Variants in PIGL observed in about 807,000 individuals in gnomAD.
PIGL encodes N-acetylglucosaminyl-phosphatidylinositol de-N-acetylase.
In PIGL, 22 loss-of-function variants were observed where a neutral mutation model predicts 31.1. The observed-to-expected ratio is 0.71, with a 90% CI of 0.51 to 1.01. The LOEUF is 1.01. Ranked by LOEUF, PIGL falls within the 50% of genes least tolerant of loss-of-function variation. The pLI is 0.00. For synonymous variants in PIGL, 131 were observed against 117.4 expected, an observed-to-expected ratio of 1.12 and a Z score of -0.75; for missense variants, 302 against 315.9, an observed-to-expected ratio of 0.96 and a Z score of 0.33.
chr17:16,284,239 A>C (rs1368485868), intron 2 of PIGL, among the ~76,000 whole-genome samples: 1 of 152,122 alleles, frequency 6.6e-6, no homozygotes. Flanking sequence ...GGCCTCCCAA[A>C]GTGCTGGGAT....
rs1264158457 is a variant in PIGL, at chr17:16,221,616, A to ATTTTTG, written c.235+4172_235+4177dup. Among the ~76,000 whole-genome samples, 4 of 151,566 alleles carry ATTTTTG rather than the reference A, an allele frequency of 2.6e-5. No homozygotes were observed. In the East Asian group the frequency reaches 7.8e-4, roughly 30 times the overall value. The stretch of plus-strand genomic sequence containing the variant: ...AGGCATGCATCACCATACCTGGCTA[A>ATTTTTG]TTTTTGTTTTTGTTTTTGTTTTGTT... On this transcript the variant is annotated intron_variant, in intron 1 of 6. Transcript: ENST00000225609.
At chr17:16,259,421 T>C (rs534573732) in intron 2 of PIGL, among the ~76,000 whole-genome samples, 43 of 151,944 alleles carry the variant, frequency 2.8e-4, no homozygotes, top group African/African-American at 1.0e-3. Context: ...AATAATGAAG[T>C]TGACTTTGGG....
intron 2 of PIGL, among the ~76,000 whole-genome samples, chr17:16,240,713 C>T (rs2092719179): frequency 6.6e-6 from 1 of 151,806 alleles, no homozygotes; most frequent in African/African-American, 2.4e-5. Flanking sequence ...CTTGCCCAAG[C>T]AGGTCTTGAA....
chr17:16,276,013 G>T (rs1343824164), intron 2 of PIGL, among the ~76,000 whole-genome samples: 1 of 152,106 alleles, frequency 6.6e-6, no homozygotes, highest in Non-Finnish European at 1.5e-5. Flanking sequence ...GACAGAGTGA[G>T]ACTCTGTCTC....
intron 2 of PIGL, among the ~76,000 whole-genome samples, chr17:16,245,715 C>T (rs1354904675): frequency 6.7e-6 from 1 of 150,244 alleles, no homozygotes; most frequent in African/African-American, 2.4e-5. Context: ...TATATATATA[C>T]ACACATATAT....
intron 2 of PIGL, among the ~76,000 whole-genome samples, chr17:16,240,682 G>A (rs1041393130): frequency 1.3e-5 from 2 of 150,906 alleles, no homozygotes; most frequent in Admixed American, 1.3e-4. Context: ...TTTTTTTTCG[G>A]TAGAGATGGA....
intron 4 of PIGL, among the ~76,000 whole-genome samples, chr17:16,315,719 T>TC (rs2093073664): frequency 7.9e-6 from 1 of 126,744 alleles, no homozygotes; most frequent in Non-Finnish European, 1.7e-5. Context: ...TTTTTTTTTT[T>TC]TTTTTTTTTT....
intron 2 of PIGL, among the ~76,000 whole-genome samples, chr17:16,246,426 C>T (rs1175526891): frequency 1.3e-5 from 2 of 151,042 alleles, no homozygotes; most frequent in African/African-American, 4.9e-5. Flanking sequence ...GCAGGAGAAT[C>T]GCTTGAACCC....
chr17:16,291,243 C>T (rs1482487728), intron 2 of PIGL, among the ~76,000 whole-genome samples: 2 of 152,102 alleles, frequency 1.3e-5, no homozygotes, highest in African/African-American at 4.8e-5. Flanking sequence ...CGTGGTGGCT[C>T]GCGCCTGTAA....
chr17:16,275,141 A>G (rs2092889392), intron 2 of PIGL, among the ~76,000 whole-genome samples: 1 of 152,112 alleles, frequency 6.6e-6, no homozygotes, highest in South Asian at 2.1e-4. Flanking sequence ...TTCTGATTAT[A>G]CTCTAAACAA....
At position 16,221,292 on chromosome 17, in the gene PIGL, T is replaced by C. The variant is rs1187163547; in HGVS notation, c.235+3831T>C. Among the ~76,000 whole-genome samples the C allele has an allele frequency of 3.3e-5, 5 of 152,246 alleles. No homozygotes were observed. In the East Asian group the frequency reaches 9.6e-4, roughly 29 times the overall value. On this transcript the variant is annotated intron_variant, in intron 1 of 6. Coordinates refer to ENST00000225609, the MANE Select transcript of PIGL (RefSeq NM_004278.4). ...TCTCTTGAAAATCTTGAAACAAACT[T>C]GCTTAATTTGACTCCTATAGTTGCA...
intron 3 of PIGL, among the ~76,000 whole-genome samples, chr17:16,301,489 T>G (rs2093004417): frequency 6.6e-6 from 1 of 151,708 alleles, no homozygotes; most frequent in South Asian, 2.1e-4. Flanking sequence ...GGTCTCAAAC[T>G]CCTGACCTCG....
At chr17:16,259,318 A>G (rs1270629671) in intron 2 of PIGL, among the ~76,000 whole-genome samples, 2 of 150,806 alleles carry the variant, frequency 1.3e-5, no homozygotes, top group Non-Finnish European at 2.9e-5. Context: ...CTACCCTCAC[A>G]TATAGTCAAT....
chr17:16,325,985 C>T lies in PIGL; in HGVS notation c.*87C>T. 3 of 967,320 alleles carry T rather than the reference C, an allele frequency of 3.1e-6. No individual in the cohort carries two copies. Among genetic ancestry groups the T allele is most frequent in the Non-Finnish European group, 4.9e-6 (3 of 610,082 alleles). 59.9% of individuals were successfully genotyped at this position (967,320 alleles called of 1,614,324 possible). ...ACCTGGCCTGGCACTGGCTTATTTA[C>T]CTGAGCTCAAGGAGATCCCCGCTGG... On this transcript the variant is annotated 3_prime_UTR_variant, in exon 7 of 7. Transcript: ENST00000225609.
At chr17:16,256,333 G>GTTGTTTGTTTGT (rs370635313) in intron 2 of PIGL, among the ~76,000 whole-genome samples, 6 of 151,798 alleles carry the variant, frequency 4.0e-5, no homozygotes, top group African/African-American at 1.5e-4. Flanking sequence ...GGGTTTTTTT[G>GTTGTTTGTTTGT]TTGTTTGTTT....
At chr17:16,321,319 C>T (rs1028670564) in intron 6 of PIGL, among the ~76,000 whole-genome samples, 1 of 150,552 alleles carries the variant, frequency 6.6e-6, no homozygotes, top group Non-Finnish European at 1.5e-5. Flanking sequence ...CAGATCACTG[C>T]ACCCTCCACC....
chr17:16,235,395 C>CATT (rs1176726493), intron 2 of PIGL, among the ~76,000 whole-genome samples: 5 of 148,662 alleles, frequency 3.4e-5, no homozygotes, highest in South Asian at 2.1e-4. Context: ...GAATGTCCTG[C>CATT]ATTCTGGATT....
intron 2 of PIGL, among the ~76,000 whole-genome samples, chr17:16,275,853 G>A (rs2092892751): frequency 6.6e-6 from 1 of 152,068 alleles, no homozygotes; most frequent in South Asian, 2.1e-4. Flanking sequence ...GTGAAACCCT[G>A]TCTCTACTAC....
chr17:16,251,154 G>C (rs544230310), intron 2 of PIGL, among the ~76,000 whole-genome samples: 2 of 152,246 alleles, frequency 1.3e-5, no homozygotes, highest in African/African-American at 4.8e-5. Context: ...AGCTGGGCAC[G>C]GTGGCTTGTG....
Sources: gnomAD v4.1 joint callset for allele counts (sites outside exome capture counted in the v4.1 genomes callset) on GRCh38, gnomAD v4.1.1 for gene constraint, MANE v1.5 for transcripts, NCBI Gene and HGNC (gene_info 2026-07-23, HGNC 2026-07-21) for gene names.